Variants in ABCA1 observed in about 807,000 individuals in gnomAD.
ABCA1 encodes ATP binding cassette subfamily A member 1.
Under a neutral mutation model 262.5 loss-of-function variants are expected in ABCA1, and 133 were observed. The observed-to-expected ratio is 0.51, with a 90% CI of 0.44 to 0.59. ABCA1 has a LOEUF of 0.59. Ranked by LOEUF, ABCA1 falls within the 20% of genes least tolerant of loss-of-function variation. ABCA1 has a pLI of 0.00. For synonymous variants in ABCA1, 1,022 were observed against 1,043.5 expected (o/e 0.98, Z 0.40); for missense variants, 2,452 against 2,777.5 (o/e 0.88, Z 2.63).
intron 1 of ABCA1, among the ~76,000 whole-genome samples, chr9:104,919,594 A>G (rs538364679): frequency 1.3e-5 from 2 of 151,250 alleles, no homozygotes; most frequent in South Asian, 2.1e-4. Flanking sequence ...CCTGGGCAAC[A>G]TAACGAGACT....
At chr9:104,852,459 G>T (rs769742833) in intron 7 of ABCA1, among the ~76,000 whole-genome samples, 2 of 152,100 alleles carry the variant, frequency 1.3e-5, no homozygotes, top group Non-Finnish European at 2.9e-5. Context: ...ATTTTTTGCT[G>T]TTTCTAAACA....
intron 7 of ABCA1, among the ~76,000 whole-genome samples, chr9:104,848,516 G>A (rs1835096091): frequency 6.6e-6 from 1 of 151,984 alleles, no homozygotes; most frequent in African/African-American, 2.4e-5. Flanking sequence ...TAGAGAGGCT[G>A]AGGCAGGAAA....
At chr9:104,874,390 C>G (rs775036903) in intron 5 of ABCA1, among the ~76,000 whole-genome samples, 2 of 152,028 alleles carry the variant, frequency 1.3e-5, no homozygotes, top group Non-Finnish European at 2.9e-5. Flanking sequence ...ATGGCAAAAC[C>G]CCGTCTCTAC....
chr9:104,827,437 C>T (rs1832898682), intron 15 of ABCA1, among the ~76,000 whole-genome samples: 1 of 152,174 alleles, frequency 6.6e-6, no homozygotes, highest in African/African-American at 2.4e-5. Context: ...GGCGAGTTTG[C>T]TCTTTGTTTC....
At position 104,796,405 on chromosome 9, in the gene ABCA1, G is replaced by T; in HGVS notation, c.5141C>A (p.Ala1714Asp). Residue 1714 changes from alanine (A) to aspartate (D), a missense_variant, in exon 38 of 50, where the codon GCC becomes GAC. Physicochemically the swap from Ala to Asp is moderately radical, Grantham distance 126 (BLOSUM62 -2). This residue lies in a region of ABCA1 where 752 missense variants were observed against 944.5 expected (regional missense o/e 0.80). Coordinates refer to ENST00000374736, the MANE Select transcript of ABCA1 (RefSeq NM_005502.4). ...VWDMCNYVVP[A>D]TLVIIIFICF... is the part of the protein sequence containing the mutation. ...GATGAAGATGATAATGACCAGTGTG[G>T]CAGGGACAACGTAATTGCACTAAAA... 6.2e-7 allele frequency: 1 copy of T among 1,614,066 alleles called. No homozygotes were observed. The highest frequency in any genetic ancestry group is 2.2e-5 in the East Asian group (1 of 44,876).
At chr9:104,925,896 T>G (rs1330226213) in intron 1 of ABCA1, among the ~76,000 whole-genome samples, 1 of 152,158 alleles carries the variant, frequency 6.6e-6, no homozygotes, top group Non-Finnish European at 1.5e-5. Context: ...GCCTCCATTA[T>G]TTTTGTGGTA....
intron 23 of ABCA1, 58 bp downstream of exon 23, chr9:104,818,605 C>G: frequency 6.6e-7 from 1 of 1,519,898 alleles, no homozygotes; most frequent in Non-Finnish European, 9.1e-7. Flanking sequence ...TCATTCACAG[C>G]CAGCAAGTCC....
intron 46 of ABCA1, among the ~76,000 whole-genome samples, 163 bp from the exon 47 acceptor site, chr9:104,787,139 T>A (rs535454259): frequency 6.6e-6 from 1 of 152,372 alleles, no homozygotes; most frequent in African/African-American, 2.4e-5. Flanking sequence ...CAAATTCATT[T>A]GTAAACAAGG....
Position 104,793,237 on chromosome 9 carries a change from G to C in ABCA1, c.5570C>G (p.Ala1857Gly). Residue 1857 changes from alanine to glycine, a missense_variant, in exon 41 of 50, where the codon GCC becomes GGC. Coordinates refer to ENST00000374736, the MANE Select transcript of ABCA1 (RefSeq NM_005502.4). ...DLVGRNLFAMAVEGVVFFLIT... is the reference protein window; with the variant it reads ...DLVGRNLFAMGVEGVVFFLIT... ...GAGGAAGAACACCACCCCTTCCACGGCCATGGCGAAGAGGTTTCGTCCCAC... is the reference window on the plus strand; with the variant it reads ...GAGGAAGAACACCACCCCTTCCACGCCCATGGCGAAGAGGTTTCGTCCCAC... The C allele has an allele frequency of 6.2e-7, 1 of 1,614,046 alleles. No individual in the cohort carries two copies. Among genetic ancestry groups the C allele is most frequent in the South Asian group, 1.1e-5 (1 of 91,084 alleles).
chr9:104,782,840 G>A lies in ABCA1; in HGVS notation c.*1475C>T, dbSNP rs1179204644. The A allele has an allele frequency of 7.5e-6, 1 of 133,260 alleles. No individual in the cohort carries two copies. The highest frequency in any genetic ancestry group is 1.6e-5 in the Non-Finnish European group (1 of 64,048). 8.3% of individuals were successfully genotyped at this position (133,260 alleles called of 1,614,324 possible). A position where few individuals can be genotyped will look rare whatever the true frequency, so the allele number is the denominator to read the frequency against. ...CTTATACTTTCTTGGCTTTTGCATT[G>A]TTGCAATTAAAAAAAAAAAAAAAAA... On this transcript the variant is annotated 3_prime_UTR_variant, in exon 50 of 50. Transcript: ENST00000374736.
intron 3 of ABCA1, among the ~76,000 whole-genome samples, chr9:104,887,493 TC>T (rs1403704850): frequency 6.6e-6 from 1 of 152,142 alleles, no homozygotes. Flanking sequence ...ATTTGCTATT[TC>T]CACTACACCA....
At position 104,817,814 on chromosome 9, in the gene ABCA1, C is replaced by T. The variant is rs1304147243; in HGVS notation, c.3463-410G>A. Among the ~76,000 whole-genome samples, 1 of 152,210 alleles carries T rather than the reference C, an allele frequency of 6.6e-6. No homozygotes were observed. Among genetic ancestry groups the T allele is most frequent in the African/African-American group, 2.4e-5 (1 of 41,444 alleles). On this transcript the variant is annotated intron_variant, in intron 23 of 49. Coordinates refer to ENST00000374736, the MANE Select transcript of ABCA1 (RefSeq NM_005502.4). The surrounding 1 kb of genome is among the most constrained non-coding windows in gnomAD (Gnocchi z 4.7). ...TGATTCGGTAGGTCTGAGCTGGGCC[C>T]AGGTTGCTGAATTTCTAACAAGTTC...
Position 104,814,542 on chromosome 9 carries a change from ATT to A in ABCA1, c.3739-69_3739-68del, listed in dbSNP as rs1831565333. ...TACGAGAGTAGTCACCACTGCCACGATTATTATATTACTGAGTGGCATGTTAG... is the reference window on the plus strand; with the variant it reads ...TACGAGAGTAGTCACCACTGCCACGAATTATATTACTGAGTGGCATGTTAG... On this transcript the variant is annotated intron_variant, in intron 25 of 49. Transcript: ENST00000374736. The A allele has an allele frequency of 4.3e-6, 6 of 1,411,370 alleles. No homozygotes were observed. The African/African-American group carries it at 8.5e-5, about 20-fold the overall frequency. 87.4% of individuals were successfully genotyped at this position (1,411,370 alleles called of 1,614,324 possible).
intron 5 of ABCA1, among the ~76,000 whole-genome samples, chr9:104,862,638 C>CCCCCCACCCCCAGAGTTT (rs1836537535): frequency 6.0e-5 from 1 of 16,726 alleles, no homozygotes; most frequent in African/African-American, 2.3e-4. Context: ...GACTGCCGGG[C>CCCCCCACCCCCAGAGTTT]CGGGCCGGGC....
At chr9:104,815,762 T>C (rs1044279081) in intron 25 of ABCA1, among the ~76,000 whole-genome samples, 1 of 152,222 alleles carries the variant, frequency 6.6e-6, no homozygotes, top group Admixed American at 6.5e-5. Flanking sequence ...AGGTCTGAGC[T>C]GGGCCCAAGT....
At chr9:104,880,900 C>T (rs1440142058) in intron 5 of ABCA1, among the ~76,000 whole-genome samples, 1 of 152,166 alleles carries the variant, frequency 6.6e-6, no homozygotes, top group African/African-American at 2.4e-5. Flanking sequence ...CCTGTAATCC[C>T]AGCACTTTGG....
At chr9:104,909,854 T>C (rs1841394884) in intron 1 of ABCA1, among the ~76,000 whole-genome samples, 1 of 152,136 alleles carries the variant, frequency 6.6e-6, no homozygotes, top group Non-Finnish European at 1.5e-5. Context: ...TAGGAGGATT[T>C]TTCCCCATTT....
chr9:104,841,331 TG>T (rs918393296), intron 8 of ABCA1, among the ~76,000 whole-genome samples: 2 of 151,654 alleles, frequency 1.3e-5, no homozygotes, highest in African/African-American at 4.8e-5. Context: ...TCCCAGCTAC[TG>T]GGGAGGCTGA....
At chr9:104,887,722 C>CT (rs56828334) in intron 3 of ABCA1, among the ~76,000 whole-genome samples, 3,785 of 98,834 alleles carry the variant, frequency 0.038, 364 homozygotes, top group African/African-American at 0.12. Flanking sequence ...TCAGTTTATG[C>CT]TTTTTTTTTT....
Sources: allele counts gnomAD v4.1 joint callset (sites outside exome capture counted in the v4.1 genomes callset), GRCh38; gene constraint gnomAD v4.1.1; regional missense constraint gnomAD v4.1.1; non-coding constraint Gnocchi (gnomAD v3.1); transcripts MANE v1.5; gene names NCBI Gene and HGNC (gene_info 2026-07-23, HGNC 2026-07-21).